Variants in ANO2 observed in about 807,000 individuals in gnomAD.
ANO2 encodes anoctamin 2.
ANO2 carries 101 observed loss-of-function variants against 124.2 expected under a neutral mutation model. That is an observed-to-expected ratio of 0.81 (90% CI 0.69 to 0.96). The LOEUF (loss-of-function observed/expected upper bound fraction) is 0.96, where lower values mean the gene tolerates loss of function less well. ANO2 is among the 40% of genes least tolerant of loss of function. The pLI is 0.00. For synonymous variants in ANO2, 486 were observed against 482.5 expected (o/e 1.01, Z -0.09); for missense variants, 1,293 against 1,274.5 (o/e 1.01, Z -0.22).
intron 1 of ANO2, among the ~76,000 whole-genome samples, chr12:5,935,249 A>C (rs1942597990): frequency 6.6e-6 from 1 of 152,186 alleles, no homozygotes; most frequent in South Asian, 2.1e-4. Context: ...AGCCCTGAGC[A>C]TATGACCTGG....
chr12:5,638,237 C>CTTTTTTCTTTT (rs1555112223), intron 15 of ANO2, among the ~76,000 whole-genome samples: 2 of 124,850 alleles, frequency 1.6e-5, no homozygotes, highest in Non-Finnish European at 3.4e-5. Flanking sequence ...GTTTCTTTTC[C>CTTTTTTCTTTT]TTTTTTTTTT....
chr12:5,807,805 G>C (rs1388991122), intron 7 of ANO2, among the ~76,000 whole-genome samples: 1 of 152,222 alleles, frequency 6.6e-6, no homozygotes, highest in African/African-American at 2.4e-5. Context: ...CGTTCGCTGT[G>C]ACTGATCTGC....
intron 20 of ANO2, among the ~76,000 whole-genome samples, chr12:5,592,399 G>A (rs1423077196): frequency 1.3e-5 from 2 of 152,030 alleles, no homozygotes; most frequent in African/African-American, 2.4e-5. Flanking sequence ...ATGTGTCTGA[G>A]CCTGCAACAC....
chr12:5,646,410 T>A, intron 15 of ANO2, among the ~76,000 whole-genome samples: 1 of 152,232 alleles, frequency 6.6e-6, no homozygotes, highest in Non-Finnish European at 1.5e-5. Flanking sequence ...AACCTACTAC[T>A]ACTGGAGATA....
chr12:5,609,921 T>TATA (rs1944402538), intron 19 of ANO2, among the ~76,000 whole-genome samples: 1 of 146,166 alleles, frequency 6.8e-6, no homozygotes, highest in East Asian at 2.0e-4. Context: ...TAAATTTATA[T>TATA]CTATATGAAA....
intron 14 of ANO2, among the ~76,000 whole-genome samples, chr12:5,660,441 C>CG (rs1947381727): frequency 9.4e-5 from 10 of 105,950 alleles, no homozygotes; most frequent in Admixed American, 1.8e-4. Context: ...CACGCCAAGC[C>CG]GGCTTCCATA....
In ANO2 at chr12:5,921,215, C is replaced by T. The variant is rs754596494; in HGVS notation, c.359G>A (p.Gly120Asp). 6.2e-7 allele frequency: 1 copy of T among 1,613,942 alleles called. No homozygotes were observed. The highest frequency in any genetic ancestry group is 1.3e-5 in the African/African-American group (1 of 75,064). Residue 120 changes from glycine (G) to aspartate (D), a missense_variant, in exon 3 of 25, where the codon GGC becomes GAC. Gly to Asp is a moderately conservative substitution (Grantham distance 94, BLOSUM62 -1). Transcript: ENST00000682330. ...ATTGGAGACGATAGCCAGCGAGTGGCCAGGGAAGCCTTGGGCCAGGTGCAC... is the reference window on the plus strand; with the variant it reads ...ATTGGAGACGATAGCCAGCGAGTGGTCAGGGAAGCCTTGGGCCAGGTGCAC... ...RGVHLAQGFP[G>D]HSLAIVSNGE... is the part of the protein sequence containing the mutation.
chr12:5,815,517 G>GA (rs1274886600), intron 7 of ANO2, among the ~76,000 whole-genome samples: 5 of 152,046 alleles, frequency 3.3e-5, no homozygotes, highest in Non-Finnish European at 7.4e-5. Context: ...AATATATGTA[G>GA]ACATGTTCTA....
At chr12:5,883,324 C>T (rs1938636268) in intron 3 of ANO2, among the ~76,000 whole-genome samples, 1 of 152,224 alleles carries the variant, frequency 6.6e-6, no homozygotes. Flanking sequence ...TGAGCCAGAC[C>T]TAGAGATGCC....
chr12:5,804,018 C>G (rs1953120863), intron 9 of ANO2, among the ~76,000 whole-genome samples: 1 of 152,136 alleles, frequency 6.6e-6, no homozygotes, highest in South Asian at 2.1e-4. Context: ...GCAAATAATC[C>G]CTACAGGCCC....
At chr12:5,719,384 G>C (rs1051178678) in intron 14 of ANO2, among the ~76,000 whole-genome samples, 2 of 152,194 alleles carry the variant, frequency 1.3e-5, no homozygotes, top group Non-Finnish European at 2.9e-5. Context: ...CTCTCTCACT[G>C]TTCTGGTTTG....
At chr12:5,773,251 C>T (rs1261053119) in intron 10 of ANO2, among the ~76,000 whole-genome samples, 1 of 152,160 alleles carries the variant, frequency 6.6e-6, no homozygotes, top group Non-Finnish European at 1.5e-5. Context: ...TTGTTGATTT[C>T]CTGTAGTCCT....
At chr12:5,594,583 C>T (rs1943568506) in intron 20 of ANO2, among the ~76,000 whole-genome samples, 1 of 152,166 alleles carries the variant, frequency 6.6e-6, no homozygotes, top group Non-Finnish European at 1.5e-5. Flanking sequence ...TGCCTGTAAT[C>T]CCAGCAATTT....
At position 5,881,206 on chromosome 12, in the gene ANO2, C is replaced by T. The variant is rs182865007; in HGVS notation, c.535-27065G>A. On this transcript the variant is annotated intron_variant, in intron 3 of 24. Coordinates refer to ENST00000682330, the MANE Select transcript of ANO2 (RefSeq NM_001364791.2). The stretch of plus-strand genomic sequence containing the variant: ...CCTTCCAAAGGTCACTCCATCTATC[C>T]CCCTCTCTGTGGCAGAATGTCAAGA... 1.2e-3 allele frequency among the ~76,000 whole-genome samples: 183 copies of T among 152,188 alleles called. 1 individual carries two copies. Among genetic ancestry groups the T allele is most frequent in the Non-Finnish European group, 2.2e-3 (150 of 68,012 alleles).
chr12:5,652,087 A>C (rs1432677517), intron 14 of ANO2, among the ~76,000 whole-genome samples: 1 of 152,220 alleles, frequency 6.6e-6, no homozygotes, highest in Non-Finnish European at 1.5e-5. Context: ...GTGTGAACAT[A>C]GGTTTTCATT....
rs138027781 is a variant in ANO2, at chr12:5,774,403, T to C, written c.1056-23433A>G. On this transcript the variant is annotated intron_variant, in intron 10 of 24. Transcript: ENST00000682330. ...ATGCCTTGAGCCTGAGATGGGGAGG[T>C]TGCAGTGAGTTGAGATCACACCACC... Among the ~76,000 whole-genome samples the C allele has an allele frequency of 1.3e-3, 199 of 151,868 alleles. 2 individuals carry two copies. Among genetic ancestry groups the C allele is most frequent in the African/African-American group, 4.5e-3 (185 of 41,380 alleles).
At chr12:5,707,502 C>T (rs1949657170) in intron 14 of ANO2, among the ~76,000 whole-genome samples, 1 of 149,296 alleles carries the variant, frequency 6.7e-6, no homozygotes, top group Admixed American at 6.6e-5. Context: ...TCCATAGTAT[C>T]CTTTATAGAG....
intron 4 of ANO2, 92 bp downstream of exon 4, chr12:5,853,951 C>CA (rs1373604519): frequency 4.3e-6 from 3 of 703,394 alleles, no homozygotes; most frequent in Non-Finnish European, 6.1e-6. Context: ...TTCAATTCCA[C>CA]AAAACCCACA....
intron 14 of ANO2, among the ~76,000 whole-genome samples, chr12:5,682,614 C>T (rs940091679): frequency 1.3e-5 from 2 of 152,148 alleles, no homozygotes; most frequent in African/African-American, 2.4e-5. Flanking sequence ...TCATGCCCTG[C>T]AAGCCAAGAA....
Sources: allele counts gnomAD v4.1 joint callset (sites outside exome capture counted in the v4.1 genomes callset), GRCh38; gene constraint gnomAD v4.1.1; transcripts MANE v1.5; gene names NCBI Gene and HGNC (gene_info 2026-07-23, HGNC 2026-07-21).